Variants in ATP2C2 observed in about 807,000 individuals in gnomAD.
ATP2C2 encodes ATPase secretory pathway Ca2+ transporting 2.
Under a neutral mutation model 110.8 loss-of-function variants are expected in ATP2C2, and 171 were observed. The ratio of observed to expected loss-of-function variants is 1.54; its 90% CI spans 1.36 to 1.75. ATP2C2 has a LOEUF of 1.75. ATP2C2 is among the 40% of genes most tolerant of loss of function. The pLI is 0.00. For missense variants in ATP2C2, 1,963 were observed against 1,235.0 expected (o/e 1.59, Z -8.84); for synonymous variants, 804 against 508.4 (o/e 1.58, Z -7.82).
intron 1 of ATP2C2, among the ~76,000 whole-genome samples, chr16:84,377,425 A>C (rs1910312102): frequency 6.6e-6 from 1 of 151,990 alleles, no homozygotes; most frequent in African/African-American, 2.4e-5. Context: ...CCACTTCCTC[A>C]CAGCTCATTT....
chr16:84,410,662 G>A (rs368157143), intron 5 of ATP2C2, 42 bp from the exon 6 acceptor site: 77 of 1,613,590 alleles, frequency 4.8e-5, no homozygotes, highest in Non-Finnish European at 5.9e-5. Flanking sequence ...GCTTCATGGA[G>A]TCCCCACCTT....
At chr16:84,405,612 G>C (rs1442055417) in intron 3 of ATP2C2, among the ~76,000 whole-genome samples, 1 of 152,102 alleles carries the variant, frequency 6.6e-6, no homozygotes, top group Non-Finnish European at 1.5e-5. Context: ...TAACAATATA[G>C]GATGCCCTGT....
intron 23 of ATP2C2, chr16:84,459,645 T>G: frequency 7.0e-7 from 1 of 1,431,658 alleles, no homozygotes; most frequent in Non-Finnish European, 9.5e-7. Context: ...CTGGGCAACC[T>G]GCATGGCTCA....
At chr16:84,419,031 A>T (rs1209267292) in intron 7 of ATP2C2, among the ~76,000 whole-genome samples, 1 of 151,838 alleles carries the variant, frequency 6.6e-6, no homozygotes, top group Non-Finnish European at 1.5e-5. Flanking sequence ...CAACATGGCA[A>T]AACCCTGTCT....
intron 23 of ATP2C2, chr16:84,459,634 T>C: frequency 1.3e-6 from 2 of 1,488,786 alleles, no homozygotes; most frequent in Non-Finnish European, 1.8e-6. Flanking sequence ...GGATGCTCTC[T>C]CTGGGCAACC....
In ATP2C2 at chr16:84,448,702, G is replaced by A. The variant is rs1909988139; in HGVS notation, c.1660+13G>A. 11 of 1,606,452 alleles carry A rather than the reference G, an allele frequency of 6.8e-6. No homozygotes were observed. Among genetic ancestry groups the A allele is most frequent in the Non-Finnish European group, 8.5e-6 (10 of 1,175,506 alleles). ...CTCGGTTTGCGGGGTCAGTGCCTGT[G>A]GTCCCGGCCCAGAGCTTTAAGCTTG... On this transcript the variant is annotated intron_variant, in intron 17 of 26. Transcript: ENST00000262429.
intron 1 of ATP2C2, among the ~76,000 whole-genome samples, chr16:84,383,324 G>C (rs1436326876): frequency 6.6e-6 from 1 of 152,208 alleles, no homozygotes. Flanking sequence ...CTTGGGCAAA[G>C]CTCTCAAATC....
At chr16:84,452,870 C>G (rs1472801336) in intron 18 of ATP2C2, among the ~76,000 whole-genome samples, 1 of 152,118 alleles carries the variant, frequency 6.6e-6, no homozygotes, top group East Asian at 1.9e-4. Flanking sequence ...GGAATCAGAG[C>G]CGTGTCAGGT....
chr16:84,459,333 C>G lies in ATP2C2; in HGVS notation c.2280C>G (p.Asn760Lys), dbSNP rs373071039. The change falls in exon 23 of 27, where the codon AAC becomes AAG. Residue 760 changes from asparagine (N) to lysine (K), a missense_variant. Transcript: ENST00000262429. ...STVFNLPSPL[N>K]AMQILWINII... Reference sequence around the variant, plus strand: ...TGTTCAACCTGCCCAGCCCCCTCAACGCCATGCAGATCCTATGGATCAACA... The same window carrying G: ...TGTTCAACCTGCCCAGCCCCCTCAAGGCCATGCAGATCCTATGGATCAACA... The G allele has an allele frequency of 2.5e-6, 4 of 1,614,222 alleles. No homozygotes were observed. Among genetic ancestry groups the G allele is most frequent in the South Asian group, 2.2e-5 (2 of 91,084 alleles).
intron 7 of ATP2C2, among the ~76,000 whole-genome samples, chr16:84,416,595 A>C (rs1375365035): frequency 6.6e-6 from 1 of 152,096 alleles, no homozygotes; most frequent in Admixed American, 6.5e-5. Context: ...GCCAGGGCTT[A>C]TGTGTGGCCA....
chr16:84,442,699 G>A (rs549263672), intron 15 of ATP2C2, 100 bp downstream of exon 15: 13 of 1,155,970 alleles, frequency 1.1e-5, no homozygotes, highest in Admixed American at 5.3e-5. Flanking sequence ...GAGTGGGGAC[G>A]TTAGGTAATC....
intron 26 of ATP2C2, among the ~76,000 whole-genome samples, 175 bp from the exon 27 acceptor site, chr16:84,463,439 G>C (rs544004705): frequency 1.3e-5 from 2 of 152,128 alleles, no homozygotes; most frequent in Non-Finnish European, 2.9e-5. Flanking sequence ...GGCCCTTCTG[G>C]AACTGCAGCA....
intron 1 of ATP2C2, among the ~76,000 whole-genome samples, chr16:84,374,195 A>C (rs1006376986): frequency 6.6e-6 from 1 of 151,542 alleles, no homozygotes; most frequent in Non-Finnish European, 1.5e-5. Flanking sequence ...TTGTGACGTG[A>C]CTACACTTCT....
rs1234741177 is a variant in ATP2C2, at chr16:84,439,178, G to A, written c.999G>A (p.Ala333=). ...CCTTTCGATCCAGCCTGGCTGTGGCGGCCATTCCAGAGGGTCTGCCCATCG... is the reference window on the plus strand; with the variant it reads ...CCTTTCGATCCAGCCTGGCTGTGGCAGCCATTCCAGAGGGTCTGCCCATCG... ...MFTIGVSLAV[A]AIPEGLPIVV... is the part of the protein sequence containing the mutation. The change falls in exon 12 of 27, where the codon GCG becomes GCA. Residue 333 remains alanine (A), a synonymous_variant. Transcript: ENST00000262429. 1.1e-5 allele frequency: 18 copies of A among 1,612,092 alleles called. No individual in the cohort carries two copies. The highest frequency in any genetic ancestry group is 4.5e-4 in the Middle Eastern group (2 of 4,442).
chr16:84,401,937 C>T (rs1188356702), intron 2 of ATP2C2, among the ~76,000 whole-genome samples: 1 of 151,346 alleles, frequency 6.6e-6, no homozygotes, highest in Non-Finnish European at 1.5e-5. Flanking sequence ...GACATTTTAA[C>T]AATATTGATT....
chr16:84,394,362 T>A (rs1341392270), intron 1 of ATP2C2, among the ~76,000 whole-genome samples: 1 of 151,908 alleles, frequency 6.6e-6, no homozygotes, highest in Non-Finnish European at 1.5e-5. Context: ...TTCTCCCCAT[T>A]CCCCCTTCCC....
Position 84,455,751 on chromosome 16 carries a change from GAA to G in ATP2C2, c.2147+780_2147+781del, listed in dbSNP as rs34618441. On this transcript the variant is annotated intron_variant, in intron 21 of 26. Coordinates refer to ENST00000262429, the MANE Select transcript of ATP2C2 (RefSeq NM_014861.4). Reference sequence around the variant, plus strand: ...GCCATAGGAAGCCTTAACACACTTAGAAAAAAAAAAAAAAGTCATAGATAGCT... The same window carrying G: ...GCCATAGGAAGCCTTAACACACTTAGAAAAAAAAAAAAGTCATAGATAGCT... Among the ~76,000 whole-genome samples, 190 of 140,342 alleles carry G rather than the reference GAA, an allele frequency of 1.4e-3. 2 individuals are homozygous for G. The highest frequency in any genetic ancestry group is 0.011 in the South Asian group (47 of 4,438). 92.1% of individuals were successfully genotyped at this position (140,342 alleles called of 152,430 possible). A position where few individuals can be genotyped will look rare whatever the true frequency, so the allele number is the denominator to read the frequency against.
chr16:84,448,422 G>A (rs756572929), intron 16 of ATP2C2, 111 bp from the exon 17 acceptor site: 65 of 1,330,086 alleles, frequency 4.9e-5, no homozygotes, highest in East Asian at 2.5e-4. Flanking sequence ...AAATAACTCC[G>A]CTGCAAAGAT....
intron 1 of ATP2C2, among the ~76,000 whole-genome samples, chr16:84,377,521 C>A (rs1910317800): frequency 6.6e-6 from 1 of 152,080 alleles, no homozygotes; most frequent in Non-Finnish European, 1.5e-5. Context: ...TTGGTTTGCA[C>A]ATGGCTGCCT....
Sources: gnomAD v4.1 joint callset for allele counts (sites outside exome capture counted in the v4.1 genomes callset) on GRCh38, gnomAD v4.1.1 for gene constraint, MANE v1.5 for transcripts, NCBI Gene and HGNC (gene_info 2026-07-23, HGNC 2026-07-21) for gene names.